Variants in CEP128 observed in about 807,000 individuals in gnomAD.
CEP128 encodes centrosomal protein 128kDa.
CEP128 carries 132 observed loss-of-function variants against 156.7 expected under a neutral mutation model. The observed-to-expected ratio is 0.84, with a 90% CI of 0.73 to 0.97. CEP128 has a LOEUF of 0.97. Ranked by LOEUF, CEP128 falls within the 50% of genes least tolerant of loss-of-function variation. The pLI is 0.00. For synonymous variants in CEP128, 469 were observed against 448.9 expected, an observed-to-expected ratio of 1.04 and a Z score of -0.57; for missense variants, 1,252 against 1,281.9, an observed-to-expected ratio of 0.98 and a Z score of 0.36.
chr14:80,740,727 T>C (rs769147487), intron 19 of CEP128, among the ~76,000 whole-genome samples: 32 of 152,196 alleles, frequency 2.1e-4, no homozygotes, highest in Non-Finnish European at 3.4e-4. Context: ...TTCCCTTTTA[T>C]AACTATTCAG....
intron 19 of CEP128, among the ~76,000 whole-genome samples, chr14:80,625,091 T>A (rs1893654093): frequency 6.6e-6 from 1 of 152,156 alleles, no homozygotes; most frequent in Admixed American, 6.5e-5. Context: ...TTTGAGTCAA[T>A]ATGTTTTGTA....
chr14:80,647,221 T>C (rs1166134722), intron 19 of CEP128, among the ~76,000 whole-genome samples: 1 of 150,956 alleles, frequency 6.6e-6, no homozygotes, highest in Non-Finnish European at 1.5e-5. Context: ...CAATATATTA[T>C]CACCTTAAAA....
intron 6 of CEP128, chr14:80,490,864 G>A (rs1887300245): frequency 6.6e-6 from 1 of 151,884 alleles, no homozygotes; most frequent in Non-Finnish European, 1.5e-5. Context: ...TGTCAAGGCA[G>A]GGTTCTTGAA....
chr14:80,739,123 C>T (rs1357510468), intron 19 of CEP128, among the ~76,000 whole-genome samples: 1 of 152,198 alleles, frequency 6.6e-6, no homozygotes, highest in Non-Finnish European at 1.5e-5. Context: ...TCTCCAAATA[C>T]TCATCCTTTC....
intron 21 of CEP128, among the ~76,000 whole-genome samples, chr14:80,556,797 T>C (rs1013116422): frequency 2.0e-5 from 3 of 152,166 alleles, no homozygotes; most frequent in Admixed American, 6.5e-5. Flanking sequence ...CAACAACATT[T>C]TTCTAAGTTT....
intron 19 of CEP128, among the ~76,000 whole-genome samples, chr14:80,687,077 G>A (rs1441157748): frequency 2.6e-5 from 4 of 151,836 alleles, no homozygotes; most frequent in Non-Finnish European, 5.9e-5. Flanking sequence ...CACAGCTATG[G>A]ATCAAAGGGA....
chr14:80,944,683 G>C (rs1290023843), upstream of CEP128, among the ~76,000 whole-genome samples: 1 of 151,724 alleles, frequency 6.6e-6, no homozygotes, highest in Non-Finnish European at 1.5e-5. Context: ...TTAGCCAGGT[G>C]TGGCGGCGGG....
chr14:80,927,527 G>A (rs1479533875), intron 2 of CEP128, among the ~76,000 whole-genome samples: 1 of 152,216 alleles, frequency 6.6e-6, no homozygotes, highest in East Asian at 1.9e-4. Flanking sequence ...TAGAGTCACA[G>A]TCCGCCTCTA....
chr14:80,643,597 C>G (rs1894511250), intron 19 of CEP128, among the ~76,000 whole-genome samples: 1 of 152,042 alleles, frequency 6.6e-6, no homozygotes, highest in South Asian at 2.1e-4. Flanking sequence ...GTAATCCCAG[C>G]TACTCGGGAG....
chr14:80,489,400 C>T (rs1188581621), downstream of CEP128, among the ~76,000 whole-genome samples: 1 of 151,988 alleles, frequency 6.6e-6, no homozygotes, highest in Admixed American at 6.6e-5. Context: ...GGCACACACC[C>T]TTCTGAACAC....
chr14:80,810,323 CAA>C (rs71103883), intron 13 of CEP128, among the ~76,000 whole-genome samples: 53 of 15,192 alleles, frequency 3.5e-3, no homozygotes, highest in Admixed American at 8.4e-3. Context: ...ACTCCATCTC[CAA>C]AAAAAAAAAA....
At chr14:80,617,814 T>C (rs1482937889) in intron 19 of CEP128, among the ~76,000 whole-genome samples, 1 of 151,548 alleles carries the variant, frequency 6.6e-6, no homozygotes, top group Non-Finnish European at 1.5e-5. Flanking sequence ...AAATAAAAAA[T>C]AAACAAACAA....
intron 14 of CEP128, among the ~76,000 whole-genome samples, chr14:80,484,515 C>G (rs1299584017): frequency 6.6e-6 from 1 of 152,130 alleles, no homozygotes; most frequent in Non-Finnish European, 1.5e-5. Context: ...GGCAGTATTG[C>G]TTTTGTTAAA....
chr14:80,807,127 T>C (rs1195165011), intron 13 of CEP128, among the ~76,000 whole-genome samples: 3 of 152,076 alleles, frequency 2.0e-5, no homozygotes, highest in South Asian at 2.1e-4. Flanking sequence ...CTTTGGGTGA[T>C]TTTTCTTTAA....
intron 17 of CEP128, among the ~76,000 whole-genome samples, chr14:80,758,808 C>T (rs912497445): frequency 4.6e-5 from 7 of 152,164 alleles, no homozygotes; most frequent in African/African-American, 1.7e-4. Flanking sequence ...TATAATAGCA[C>T]CTTCTATATC....
At chr14:80,922,430 C>T (rs971432659) in intron 2 of CEP128, among the ~76,000 whole-genome samples, 8 of 152,218 alleles carry the variant, frequency 5.3e-5, no homozygotes, top group Admixed American at 1.3e-4. Flanking sequence ...ATATTATTTT[C>T]GCTGTGTAGT....
intron 19 of CEP128, among the ~76,000 whole-genome samples, chr14:80,584,746 G>A (rs760240702): frequency 1.4e-4 from 22 of 152,294 alleles, no homozygotes; most frequent in Non-Finnish European, 2.8e-4. Flanking sequence ...ATAACAGCGT[G>A]ATTAGTATCT....
intron 21 of CEP128, among the ~76,000 whole-genome samples, chr14:80,535,632 C>T (rs1566764112): frequency 6.6e-6 from 1 of 150,744 alleles, no homozygotes; most frequent in African/African-American, 2.5e-5. Context: ...CACACACACA[C>T]ATGGGGTCTG....
intron 2 of CEP128, among the ~76,000 whole-genome samples, chr14:80,932,886 C>G (rs562939309): frequency 6.7e-5 from 10 of 150,176 alleles, no homozygotes; most frequent in African/African-American, 2.3e-4. Flanking sequence ...GCTATTGAAA[C>G]CAAATAATAA....
Sources: gnomAD v4.1 joint callset for allele counts (sites outside exome capture counted in the v4.1 genomes callset) on GRCh38, gnomAD v4.1.1 for gene constraint, MANE v1.5 for transcripts, NCBI Gene and HGNC (gene_info 2026-07-23, HGNC 2026-07-21) for gene names.